Variants in L3MBTL4 observed in about 807,000 individuals in gnomAD.
L3MBTL4 encodes the protein lethal(3)malignant brain tumor-like protein 4.
Under a neutral mutation model 84.5 loss-of-function variants are expected in L3MBTL4, and 70 were observed. The ratio of observed to expected loss-of-function variants is 0.83; its 90% confidence interval spans 0.68 to 1.01. L3MBTL4 has a LOEUF of 1.01. L3MBTL4 is among the 50% of genes least tolerant of loss of function. The pLI, the probability that L3MBTL4 is intolerant of heterozygous loss-of-function variation, is 0.00. For synonymous variants in L3MBTL4, 274 were observed against 259.8 expected (o/e 1.05, Z -0.52); for missense variants, 715 against 754.8 (o/e 0.95, Z 0.62).
At position 6,231,461 on chromosome 18, in the gene L3MBTL4, T is replaced by C. The variant is rs1480073743; in HGVS notation, c.784+6503A>G. ...TGTGTCTGTTTTTGTACCAGTACCA[T>C]GCTGTTTTGGTTACAGTAGACTTGT... On this transcript the variant is annotated intron_variant, in intron 10 of 18. Transcript: ENST00000317931. Among the ~76,000 whole-genome samples, 3 of 152,294 alleles carry C rather than the reference T, an allele frequency of 2.0e-5. No individual in the cohort carries two copies. The East Asian group carries it at 5.8e-4, about 29-fold the overall frequency.
intron 14 of L3MBTL4, among the ~76,000 whole-genome samples, chr18:6,115,151 C>A (rs564017386): frequency 6.6e-6 from 1 of 152,186 alleles, no homozygotes; most frequent in South Asian, 2.1e-4. Flanking sequence ...TGTTGATGGG[C>A]CTTATAAGCT....
chr18:6,151,859 G>A (rs983611616), intron 13 of L3MBTL4, among the ~76,000 whole-genome samples: 8 of 152,186 alleles, frequency 5.3e-5, no homozygotes, highest in African/African-American at 1.7e-4. Flanking sequence ...GTAACTGCAA[G>A]TTTGTACATT....
At chr18:6,395,277 T>C (rs2055223683) in intron 1 of L3MBTL4, 1 of 152,174 alleles carries the variant, frequency 6.6e-6, no homozygotes, top group African/African-American at 2.4e-5. Context: ...CAAATGATCA[T>C]TATCCATGAA....
intron 5 of L3MBTL4, among the ~76,000 whole-genome samples, chr18:6,251,005 G>T (rs1285056117): frequency 6.6e-6 from 1 of 152,076 alleles, no homozygotes; most frequent in Non-Finnish European, 1.5e-5. Context: ...TGACCACAGA[G>T]AATTTAACTC....
intron 16 of L3MBTL4, among the ~76,000 whole-genome samples, chr18:5,993,435 T>C (rs560566488): frequency 3.3e-5 from 5 of 152,342 alleles, no homozygotes; most frequent in South Asian, 4.1e-4. Context: ...TTTTACTCAA[T>C]TGACAGAGCA....
At chr18:6,046,242 C>G (rs1389645785) in intron 16 of L3MBTL4, among the ~76,000 whole-genome samples, 1 of 152,126 alleles carries the variant, frequency 6.6e-6, no homozygotes, top group East Asian at 1.9e-4. Context: ...CACTGGGGCA[C>G]CCAGATTCAT....
chr18:5,990,562 G>T (rs2053644182), intron 16 of L3MBTL4, among the ~76,000 whole-genome samples: 1 of 152,094 alleles, frequency 6.6e-6, no homozygotes, highest in African/African-American at 2.4e-5. Context: ...AAAAAGGGCT[G>T]GGATGAAGAG....
intron 15 of L3MBTL4, chr18:6,082,214 T>C (rs1451377804): frequency 6.6e-6 from 1 of 152,156 alleles, no homozygotes. Context: ...CGCTTATGCA[T>C]CATGGACGTG....
At chr18:6,215,693 C>A in intron 11 of L3MBTL4, 57 bp downstream of exon 11, 1 of 891,616 alleles carries the variant, frequency 1.1e-6, no homozygotes. Context: ...CAAATGTAGG[C>A]ATGACTCAAT....
chr18:6,263,049 C>A (rs1186057560), intron 5 of L3MBTL4, among the ~76,000 whole-genome samples: 1 of 152,108 alleles, frequency 6.6e-6, no homozygotes, highest in South Asian at 2.1e-4. Flanking sequence ...CCGAGGCAGG[C>A]GGATCATGAG....
At chr18:6,173,296 C>A (rs987730061) in intron 12 of L3MBTL4, among the ~76,000 whole-genome samples, 3 of 152,104 alleles carry the variant, frequency 2.0e-5, no homozygotes, top group Non-Finnish European at 4.4e-5. Context: ...AATGCAATCC[C>A]TAAGTAAAGG....
intron 1 of L3MBTL4, among the ~76,000 whole-genome samples, chr18:6,408,173 A>T (rs545378040): frequency 6.6e-6 from 1 of 152,346 alleles, no homozygotes; most frequent in South Asian, 2.1e-4. Flanking sequence ...TCAACCTGGC[A>T]CCAGGATGTG....
At chr18:6,299,688 T>C (rs1177939758) in intron 4 of L3MBTL4, among the ~76,000 whole-genome samples, 6 of 152,174 alleles carry the variant, frequency 3.9e-5, no homozygotes, top group Non-Finnish European at 8.8e-5. Flanking sequence ...ATTTTTTTTA[T>C]ATACAGGGTC....
At chr18:6,098,258 A>G (rs1308372791) in intron 14 of L3MBTL4, among the ~76,000 whole-genome samples, 1 of 152,140 alleles carries the variant, frequency 6.6e-6, no homozygotes, top group Admixed American at 6.5e-5. Context: ...AGTTGTCACG[A>G]CTTACCTAAG....
At chr18:6,035,208 C>T (rs916661333) in intron 16 of L3MBTL4, among the ~76,000 whole-genome samples, 2,458 of 150,820 alleles carry the variant, frequency 0.016, 72 homozygotes, top group African/African-American at 0.056. Context: ...CTGTTTTAGA[C>T]ATGAAGTCCT....
intron 12 of L3MBTL4, among the ~76,000 whole-genome samples, chr18:6,181,202 A>G (rs1325240357): frequency 6.6e-6 from 1 of 151,098 alleles, no homozygotes; most frequent in Non-Finnish European, 1.5e-5. Flanking sequence ...AAACTTTTAT[A>G]TTAGGTTCAA....
intron 13 of L3MBTL4, among the ~76,000 whole-genome samples, chr18:6,165,145 G>T (rs1021049675): frequency 1.2e-4 from 18 of 152,176 alleles, no homozygotes; most frequent in Non-Finnish European, 1.9e-4. Context: ...AGAATAAAAA[G>T]AAATGAACAA....
At chr18:6,248,865 T>C (rs1388691981) in intron 5 of L3MBTL4, among the ~76,000 whole-genome samples, 1 of 152,202 alleles carries the variant, frequency 6.6e-6, no homozygotes, top group Non-Finnish European at 1.5e-5. Flanking sequence ...GCCTTTTTTA[T>C]ATAAGCATGG....
At chr18:6,199,871 C>T (rs2045575494) in intron 12 of L3MBTL4, among the ~76,000 whole-genome samples, 1 of 152,196 alleles carries the variant, frequency 6.6e-6, no homozygotes, top group Non-Finnish European at 1.5e-5. Flanking sequence ...ATGATCAGAG[C>T]AGAGTATAAA....
Sources: gnomAD v4.1 joint callset for allele counts (sites outside exome capture counted in the v4.1 genomes callset) on GRCh38, gnomAD v4.1.1 for gene constraint, MANE v1.5 for transcripts, NCBI Gene and HGNC (gene_info 2026-07-23, HGNC 2026-07-21) for gene names.